UBR1: variants seen among roughly 807,000 people sequenced by gnomAD.
The protein encoded by UBR1 is ubiquitin protein ligase E3 component n-recognin 1.
A neutral mutation model predicts 242.1 loss-of-function variants in UBR1; 102 were observed. The ratio of observed to expected loss-of-function variants is 0.42; its 90% CI spans 0.36 to 0.50. The LOEUF is 0.50. Among genes scored for constraint, UBR1 ranks in the 20% least tolerant of loss-of-function variants. The pLI is 0.01. For missense variants in UBR1, 1,772 were observed against 2,101.8 expected (o/e 0.84, Z 3.07); for synonymous variants, 675 against 684.8 (o/e 0.99, Z 0.22).
chr15:43,019,329 C>T (rs372703602), intron 27 of UBR1, among the ~76,000 whole-genome samples: 1 of 152,160 alleles, frequency 6.6e-6, no homozygotes, highest in South Asian at 2.1e-4. Context: ...TCCCAAAGTG[C>T]TGGGATTACA....
At chr15:42,985,041 A>G in intron 35 of UBR1, 99 bp from the exon 36 acceptor site, 1 of 1,024,778 alleles carries the variant, frequency 9.8e-7, no homozygotes, top group Non-Finnish European at 1.4e-6. Flanking sequence ...ATTTTTGATG[A>G]GATGATTTGC....
At chr15:43,078,733 T>A (rs895944804) in intron 3 of UBR1, among the ~76,000 whole-genome samples, 1 of 151,216 alleles carries the variant, frequency 6.6e-6, no homozygotes, top group African/African-American at 2.4e-5. Flanking sequence ...TTTGGGAGGT[T>A]TGAAGTGGGA....
Position 42,955,684 on chromosome 15 carries a change from G to A in UBR1, c.4835+2329C>T, listed in dbSNP as rs1835789247. Among the ~76,000 whole-genome samples the A allele has an allele frequency of 4.6e-5, 7 of 152,146 alleles. No homozygotes were observed. The South Asian group carries it at 1.4e-3, about 31-fold the overall frequency. ...TAATGCATTATGATTCAAATATGAA[G>A]TATTCACCCCCCAATGGTGAAAGCA... On this transcript the variant is annotated intron_variant, in intron 44 of 46. Transcript: ENST00000290650.
chr15:42,993,615 G>C (rs2141278970), intron 33 of UBR1, among the ~76,000 whole-genome samples: 1 of 152,156 alleles, frequency 6.6e-6, no homozygotes, highest in Non-Finnish European at 1.5e-5. Flanking sequence ...AGATCTGCCT[G>C]CCTCGGCCTC....
chr15:42,987,854 T>C (rs768348636), intron 35 of UBR1, among the ~76,000 whole-genome samples: 1 of 152,030 alleles, frequency 6.6e-6, no homozygotes, highest in Non-Finnish European at 1.5e-5. Flanking sequence ...AATATATATA[T>C]TGAAAGGGAA....
intron 30 of UBR1, 107 bp from the exon 31 acceptor site, chr15:43,004,037 G>C: frequency 1.1e-6 from 1 of 913,596 alleles, no homozygotes; most frequent in Non-Finnish European, 1.8e-6. Context: ...ACAATATCAT[G>C]ATAGGAGGAT....
intron 6 of UBR1, among the ~76,000 whole-genome samples, chr15:43,062,175 G>A (rs560434548): frequency 3.3e-5 from 5 of 152,200 alleles, no homozygotes; most frequent in East Asian, 3.9e-4. Context: ...GGACTTGAAC[G>A]GACTTTTGTG....
chr15:42,997,849 T>A (rs1482126955), intron 33 of UBR1, among the ~76,000 whole-genome samples: 2 of 152,196 alleles, frequency 1.3e-5, no homozygotes, highest in Non-Finnish European at 2.9e-5. Flanking sequence ...TTGCCCAAGA[T>A]CACATAATCA....
chr15:43,100,078 T>C (rs2034211987), intron 1 of UBR1, among the ~76,000 whole-genome samples: 2 of 152,090 alleles, frequency 1.3e-5, no homozygotes. Context: ...GGTTTCACCA[T>C]GTTAGCCAGG....
chr15:43,004,445 A>G (rs1254687170), intron 30 of UBR1, among the ~76,000 whole-genome samples: 1 of 151,988 alleles, frequency 6.6e-6, no homozygotes, highest in African/African-American at 2.4e-5. Flanking sequence ...GCTGGACTGT[A>G]CTGCCGCCAT....
intron 6 of UBR1, among the ~76,000 whole-genome samples, chr15:43,061,947 T>C (rs1276809704): frequency 1.3e-5 from 2 of 151,202 alleles, no homozygotes; most frequent in Non-Finnish European, 3.0e-5. Flanking sequence ...TGTACTCCAA[T>C]AACCTAGGGA....
At position 43,082,797 on chromosome 15, in the gene UBR1, C is replaced by T. The variant is rs761183279; in HGVS notation, c.339-81G>A. The T allele has an allele frequency of 1.4e-4, 142 of 1,010,728 alleles. 1 individual carries two copies. The highest frequency in any genetic ancestry group is 2.0e-4 in the Non-Finnish European group (128 of 637,018). 62.6% of individuals were successfully genotyped at this position (1,010,728 alleles called of 1,614,324 possible). A position where few individuals can be genotyped will look rare whatever the true frequency, so the allele number is the denominator to read the frequency against. On this transcript the variant is annotated intron_variant, in intron 2 of 46. Transcript: ENST00000290650. Reference sequence around the variant, plus strand: ...AGGTATGACTATAATACAATGTGAACAAGTTTCCTCTATGGTACACAAACT... The same window carrying T: ...AGGTATGACTATAATACAATGTGAATAAGTTTCCTCTATGGTACACAAACT...
chr15:42,971,906 C>T (rs999114553), intron 39 of UBR1, among the ~76,000 whole-genome samples: 1 of 152,142 alleles, frequency 6.6e-6, no homozygotes, highest in Non-Finnish European at 1.5e-5. Context: ...CAAAATTGAG[C>T]AGAAAGTACA....
At chr15:43,025,334 C>A in intron 24 of UBR1, 47 bp downstream of exon 24, 4 of 1,564,074 alleles carry the variant, frequency 2.6e-6, no homozygotes, top group Non-Finnish European at 2.6e-6. Flanking sequence ...TGATGTGAAA[C>A]CACAGAAAAT....
At chr15:43,038,904 T>C (rs1366659523) in intron 15 of UBR1, among the ~76,000 whole-genome samples, 2 of 151,974 alleles carry the variant, frequency 1.3e-5, no homozygotes, top group Non-Finnish European at 2.9e-5. Context: ...AAAAAGGCAC[T>C]TTTAACAAAA....
intron 14 of UBR1, among the ~76,000 whole-genome samples, chr15:43,045,146 G>A (rs2033468235): frequency 6.6e-6 from 1 of 152,046 alleles, no homozygotes; most frequent in Non-Finnish European, 1.5e-5. Context: ...AGGAAATGAT[G>A]ACAGGTCCAT....
intron 43 of UBR1, among the ~76,000 whole-genome samples, chr15:42,960,298 A>C (rs887073668): frequency 6.6e-5 from 10 of 152,342 alleles, no homozygotes; most frequent in African/African-American, 2.4e-4. Flanking sequence ...TCAAAAACAA[A>C]AGTGGCTTAT....
At chr15:43,040,147 C>T (rs897754132) in intron 15 of UBR1, among the ~76,000 whole-genome samples, 8 of 152,164 alleles carry the variant, frequency 5.3e-5, no homozygotes, top group Admixed American at 1.3e-4. Context: ...CCAAGTCAAT[C>T]CTAAGCCAAA....
chr15:43,025,250 G>A (rs1243380218), intron 24 of UBR1, 131 bp downstream of exon 24: 3 of 927,200 alleles, frequency 3.2e-6, no homozygotes, highest in East Asian at 5.2e-5. Flanking sequence ...TGAATAAGAA[G>A]CAAAAAGCTC....
Sources: gnomAD v4.1 joint callset for allele counts (sites outside exome capture counted in the v4.1 genomes callset) on GRCh38, gnomAD v4.1.1 for gene constraint, MANE v1.5 for transcripts, NCBI Gene and HGNC (gene_info 2026-07-23, HGNC 2026-07-21) for gene names.